RBFOX3: variants seen among roughly 807,000 people sequenced by gnomAD.
RBFOX3 encodes the protein RNA binding protein fox-1 homolog 3.
RBFOX3 carries 17 observed loss-of-function variants against 48.7 expected under a neutral mutation model. That is an observed-to-expected ratio of 0.35 (90% CI 0.24 to 0.52). RBFOX3 has a LOEUF of 0.52. Ranked by LOEUF, RBFOX3 falls within the 20% of genes least tolerant of loss-of-function variation. RBFOX3 has a pLI of 0.94. For synonymous variants in RBFOX3, 212 were observed against 209.5 expected (o/e 1.01, Z -0.10); for missense variants, 382 against 497.5 (o/e 0.77, Z 2.21).
chr17:79,492,968 G>A (rs112985943), intron 1 of RBFOX3, among the ~76,000 whole-genome samples: 7,162 of 152,200 alleles, frequency 0.047, 209 homozygotes, highest in Non-Finnish European at 0.064. Flanking sequence ...AGGTCTATTA[G>A]GCTGTTCTTG....
At chr17:79,628,846 G>A in the RBFOX3 span, among the ~76,000 whole-genome samples, 99 of 152,228 alleles carry the variant, frequency 6.5e-4, no homozygotes, top group African/African-American at 2.3e-3. Context: ...TCACAGCACC[G>A]GCCCTTTGGA....
chr17:79,659,967 A>G, the RBFOX3 span, among the ~76,000 whole-genome samples: 1 of 152,136 alleles, frequency 6.6e-6, no homozygotes. Flanking sequence ...CGGGCAGATC[A>G]TGTGAGGTCA....
chr17:79,486,405 G>A (rs797035620), intron 1 of RBFOX3, among the ~76,000 whole-genome samples: 10 of 152,270 alleles, frequency 6.6e-5, no homozygotes, highest in African/African-American at 2.4e-4. Context: ...GCACAGCAGA[G>A]CACACAGGGA....
intron 3 of RBFOX3, among the ~76,000 whole-genome samples, chr17:79,294,311 C>A (rs563144284): frequency 6.6e-6 from 1 of 152,016 alleles, no homozygotes; most frequent in African/African-American, 2.4e-5. Flanking sequence ...GTAGCAGACA[C>A]CTTTTGCTTT....
intron 3 of RBFOX3, among the ~76,000 whole-genome samples, chr17:79,268,463 A>T (rs1179588713): frequency 6.6e-6 from 1 of 151,960 alleles, no homozygotes; most frequent in African/African-American, 2.4e-5. Flanking sequence ...GCCCTTCCTC[A>T]GCTGGGGTGC....
At chr17:79,181,962 AACACACACAC>A (rs56842759) in intron 4 of RBFOX3, among the ~76,000 whole-genome samples, 23,268 of 148,110 alleles carry the variant, frequency 0.16, 2,420 homozygotes, top group African/African-American at 0.29. Flanking sequence ...GTCTCCAAGA[AACACACACAC>A]ACACACACAC....
At chr17:79,164,719 AGGCACCCTCCTGGGAGC>A (rs2047657450) in intron 4 of RBFOX3, among the ~76,000 whole-genome samples, 1 of 152,154 alleles carries the variant, frequency 6.6e-6, no homozygotes, top group Non-Finnish European at 1.5e-5. Flanking sequence ...CCGGGGGTCC[AGGCACCCTCCTGGGAGC>A]CTCACCCGCG....
At chr17:79,183,368 T>C (rs2052607833) in intron 4 of RBFOX3, 1 of 151,932 alleles carries the variant, frequency 6.6e-6, no homozygotes, top group Non-Finnish European at 1.5e-5. Flanking sequence ...GAGCACAGCA[T>C]GGGGCGGCAG....
At chr17:79,394,069 C>G (rs9747124) in intron 2 of RBFOX3, among the ~76,000 whole-genome samples, 137 of 149,550 alleles carry the variant, frequency 9.2e-4, no homozygotes, top group African/African-American at 3.1e-3. Flanking sequence ...CATCCGAGCC[C>G]GTCATCATAC....
intron 1 of RBFOX3, among the ~76,000 whole-genome samples, chr17:79,518,859 G>A (rs984248217): frequency 7.9e-5 from 12 of 152,268 alleles, no homozygotes; most frequent in Non-Finnish European, 1.5e-4. Context: ...CTGCTTTCAA[G>A]AGAAACAATT....
intron 3 of RBFOX3, among the ~76,000 whole-genome samples, chr17:79,289,664 A>G (rs1453782953): frequency 2.0e-5 from 3 of 152,324 alleles, no homozygotes; most frequent in South Asian, 4.1e-4. Flanking sequence ...CTTTGGCATC[A>G]TCTTTAAAGC....
intron 4 of RBFOX3, among the ~76,000 whole-genome samples, chr17:79,166,390 T>G (rs568181951): frequency 6.6e-6 from 1 of 152,088 alleles, no homozygotes; most frequent in Non-Finnish European, 1.5e-5. Context: ...GACTGAGCCA[T>G]GCAGCAATGG....
intron 1 of RBFOX3, among the ~76,000 whole-genome samples, chr17:79,595,071 T>C (rs2093532024): frequency 6.6e-6 from 1 of 151,816 alleles, no homozygotes; most frequent in South Asian, 2.1e-4. Flanking sequence ...GCTGATCCCC[T>C]CCCTGGGATG....
chr17:79,271,737 AC>A (rs1180720728), intron 3 of RBFOX3, among the ~76,000 whole-genome samples: 1 of 131,038 alleles, frequency 7.6e-6, no homozygotes, highest in East Asian at 2.4e-4. Flanking sequence ...CTAATTAAAG[AC>A]AGTAAGGACA....
chr17:79,394,415 G>A (rs748554851), intron 2 of RBFOX3, among the ~76,000 whole-genome samples: 1 of 152,170 alleles, frequency 6.6e-6, no homozygotes, highest in Non-Finnish European at 1.5e-5. Context: ...CTGAGTGCAG[G>A]TGGGGTTCAT....
At chr17:79,318,169 A>G (rs2145904563) in intron 2 of RBFOX3, among the ~76,000 whole-genome samples, 1 of 152,246 alleles carries the variant, frequency 6.6e-6, no homozygotes, top group East Asian at 1.9e-4. Context: ...GCTGATTCCT[A>G]TCATGAGTGG....
intron 1 of RBFOX3, among the ~76,000 whole-genome samples, chr17:79,545,645 G>C (rs559222534): frequency 6.6e-6 from 1 of 152,318 alleles, no homozygotes; most frequent in South Asian, 2.1e-4. Context: ...CAAGAGGGGA[G>C]GCCTTACTTC....
intron 1 of RBFOX3, among the ~76,000 whole-genome samples, chr17:79,572,478 TC>T (rs2092710076): frequency 6.6e-6 from 1 of 151,598 alleles, no homozygotes; most frequent in South Asian, 2.1e-4. Flanking sequence ...TTGCCCCTTC[TC>T]CCAGACCCCT....
intron 1 of RBFOX3, among the ~76,000 whole-genome samples, chr17:79,595,937 C>G (rs2093557849): frequency 6.6e-6 from 1 of 152,236 alleles, no homozygotes; most frequent in African/African-American, 2.4e-5. Flanking sequence ...CGAGCGTACT[C>G]CCCTGTGGAC....
Sources: allele counts gnomAD v4.1 joint callset (sites outside exome capture counted in the v4.1 genomes callset), GRCh38; gene constraint gnomAD v4.1.1; transcripts MANE v1.5; gene names NCBI Gene and HGNC (gene_info 2026-07-23, HGNC 2026-07-21).